IDE: variants seen among roughly 807,000 people sequenced by gnomAD.
IDE encodes the protein insulin-degrading enzyme.
In IDE, 58 loss-of-function variants were observed where a neutral mutation model predicts 133.2. The ratio of observed to expected loss-of-function variants is 0.44; its 90% CI spans 0.35 to 0.54. The LOEUF is 0.54. Among genes scored for constraint, IDE ranks in the 20% least tolerant of loss-of-function variants. The pLI is 0.00. For missense variants in IDE, 981 were observed against 1,234.0 expected, an observed-to-expected ratio of 0.79 and a Z score of 3.07; for synonymous variants, 396 against 421.3, an observed-to-expected ratio of 0.94 and a Z score of 0.73.
chr10:92,455,885 A>T (rs1844983175), intron 23 of IDE, among the ~76,000 whole-genome samples: 1 of 152,122 alleles, frequency 6.6e-6, no homozygotes, highest in Non-Finnish European at 1.5e-5. Context: ...TGGCCACAGC[A>T]GTTTTAGGGC....
intron 13 of IDE, 93 bp downstream of exon 13, chr10:92,487,103 C>T (rs373876275): frequency 3.2e-6 from 4 of 1,249,442 alleles, no homozygotes; most frequent in South Asian, 1.6e-5. Flanking sequence ...CTCCCCAAAT[C>T]AACATAGTAC....
intron 1 of IDE, among the ~76,000 whole-genome samples, chr10:92,561,709 C>T (rs1041856670): frequency 5.9e-5 from 9 of 151,682 alleles, no homozygotes; most frequent in African/African-American, 1.9e-4. Flanking sequence ...TTGCAGTGAG[C>T]GGAGATCGCG....
intron 1 of IDE, chr10:92,559,095 G>A (rs1843153524): frequency 6.6e-6 from 1 of 152,096 alleles, no homozygotes; most frequent in Non-Finnish European, 1.5e-5. Context: ...CCACCAGGAT[G>A]GCTTATAACA....
intron 22 of IDE, among the ~76,000 whole-genome samples, chr10:92,458,284 C>A (rs1003097897): frequency 6.6e-6 from 1 of 152,092 alleles, no homozygotes; most frequent in Non-Finnish European, 1.5e-5. Flanking sequence ...TAAATGCAGG[C>A]TAAAGTCTTT....
intron 5 of IDE, among the ~76,000 whole-genome samples, chr10:92,510,773 A>G (rs945058029): frequency 1.5e-5 from 1 of 65,280 alleles, no homozygotes; most frequent in South Asian, 5.5e-4. Context: ...TATGATATAT[A>G]GCACATACAT....
At chr10:92,478,724 T>A in intron 15 of IDE, 1 of 1,283,206 alleles carries the variant, frequency 7.8e-7, no homozygotes, top group Non-Finnish European at 1.0e-6. Context: ...TTTTAAATCA[T>A]CCTTCAATAA....
chr10:92,496,737 G>C (rs776051961), intron 11 of IDE, among the ~76,000 whole-genome samples: 3 of 152,210 alleles, frequency 2.0e-5, no homozygotes, highest in Admixed American at 2.0e-4. Flanking sequence ...AGTGAGCCGA[G>C]ATTGTGCCAT....
At chr10:92,512,245 T>G (rs113909714) in intron 5 of IDE, among the ~76,000 whole-genome samples, 1 of 152,216 alleles carries the variant, frequency 6.6e-6, no homozygotes. Flanking sequence ...ATGGTTACTC[T>G]TCCTCTCTCC....
At chr10:92,531,568 G>C (rs79347895) in intron 4 of IDE, among the ~76,000 whole-genome samples, 180 bp downstream of exon 4, 3 of 152,176 alleles carry the variant, frequency 2.0e-5, no homozygotes, top group Non-Finnish European at 4.4e-5. Flanking sequence ...TGAACAGGAT[G>C]TAAGTAGAAA....
intron 3 of IDE, among the ~76,000 whole-genome samples, chr10:92,532,771 T>A (rs1281234416): frequency 1.3e-5 from 2 of 151,872 alleles, no homozygotes; most frequent in African/African-American, 4.9e-5. Flanking sequence ...AAGACTTGAT[T>A]CAGATGAAGC....
chr10:92,555,492 T>C (rs1159057389), intron 1 of IDE, among the ~76,000 whole-genome samples: 1 of 141,560 alleles, frequency 7.1e-6, no homozygotes, highest in Non-Finnish European at 1.5e-5. Context: ...AAAAAAACTT[T>C]GTCTCAAAAA....
intron 8 of IDE, 117 bp downstream of exon 8, chr10:92,507,996 G>C: frequency 1.3e-6 from 1 of 753,702 alleles, no homozygotes; most frequent in Non-Finnish European, 2.3e-6. Flanking sequence ...TGGATAAGTT[G>C]TATGAATTAA....
intron 23 of IDE, among the ~76,000 whole-genome samples, chr10:92,455,934 T>C (rs550194644): frequency 2.0e-5 from 3 of 152,294 alleles, no homozygotes; most frequent in African/African-American, 7.2e-5. Context: ...CAGAAGGACC[T>C]TGCTAGGTTT....
At chr10:92,525,553 A>G (rs1255419388) in intron 4 of IDE, among the ~76,000 whole-genome samples, 2 of 152,190 alleles carry the variant, frequency 1.3e-5, no homozygotes, top group Non-Finnish European at 2.9e-5. Context: ...GCCATTAGAC[A>G]AGACATAAAG....
At chr10:92,548,118 G>A (rs1842608209) in intron 1 of IDE, among the ~76,000 whole-genome samples, 2 of 151,952 alleles carry the variant, frequency 1.3e-5, no homozygotes, top group Non-Finnish European at 2.9e-5. Flanking sequence ...CCAGCACTTT[G>A]GGAGGCCAAG....
chr10:92,519,443 C>T (rs1849099776), intron 4 of IDE, among the ~76,000 whole-genome samples: 1 of 152,228 alleles, frequency 6.6e-6, no homozygotes, highest in Non-Finnish European at 1.5e-5. Context: ...TGAGCTCCAG[C>T]AGTGAATGGA....
At chr10:92,549,133 C>T (rs989031280) in intron 1 of IDE, among the ~76,000 whole-genome samples, 1 of 152,124 alleles carries the variant, frequency 6.6e-6, no homozygotes, top group Non-Finnish European at 1.5e-5. Context: ...TGGCACAAAC[C>T]TGTAATCCCA....
chr10:92,503,380 G>A (rs1370434011), intron 11 of IDE, among the ~76,000 whole-genome samples: 1 of 152,116 alleles, frequency 6.6e-6, no homozygotes, highest in African/African-American at 2.4e-5. Flanking sequence ...ATGCTGCTCA[G>A]GCTGGTCTTA....
At chr10:92,541,354 A>G (rs970095516) in intron 1 of IDE, 6 of 470,530 alleles carry the variant, frequency 1.3e-5, no homozygotes, top group Non-Finnish European at 2.2e-5. Context: ...TGATGAATTC[A>G]TCAACAGCTT....
Sources: allele counts gnomAD v4.1 joint callset (sites outside exome capture counted in the v4.1 genomes callset), GRCh38; gene constraint gnomAD v4.1.1; transcripts MANE v1.5; gene names NCBI Gene and HGNC (gene_info 2026-07-23, HGNC 2026-07-21).